CDH12: variants seen among roughly 807,000 people sequenced by gnomAD.
The protein encoded by CDH12 is cadherin-12.
In CDH12, 41 loss-of-function variants were observed where a neutral mutation model predicts 74.1. That is an observed-to-expected ratio of 0.55 (90% CI 0.43 to 0.72). The LOEUF is 0.72. Ranked by LOEUF, CDH12 falls within the 30% of genes least tolerant of loss-of-function variation. The pLI is 0.00. For missense variants in CDH12, 945 were observed against 977.2 expected (o/e 0.97, Z 0.44); for synonymous variants, 399 against 355.0 (o/e 1.12, Z -1.39).
chr5:22,191,427 T>C (rs956570377), intron 4 of CDH12, among the ~76,000 whole-genome samples: 6 of 152,180 alleles, frequency 3.9e-5, no homozygotes, highest in Non-Finnish European at 7.3e-5. Context: ...CACTCTTAAA[T>C]TAATGAATGA....
intron 3 of CDH12, among the ~76,000 whole-genome samples, chr5:22,324,888 T>C (rs1739020430): frequency 6.6e-6 from 1 of 152,178 alleles, no homozygotes; most frequent in African/African-American, 2.4e-5. Flanking sequence ...GGTCAGTTTA[T>C]ATTAAACAGC....
intron 1 of CDH12, among the ~76,000 whole-genome samples, chr5:22,732,456 G>GTATA (rs746288133): frequency 2.8e-5 from 3 of 105,932 alleles, no homozygotes; most frequent in African/African-American, 1.1e-4. Flanking sequence ...GAATGTGTGT[G>GTATA]TATATATATA....
chr5:22,543,772 T>C (rs1432888787), intron 1 of CDH12, among the ~76,000 whole-genome samples: 1 of 152,226 alleles, frequency 6.6e-6, no homozygotes, highest in Non-Finnish European at 1.5e-5. Flanking sequence ...GCTAGAGTCC[T>C]ATGGTAGGTA....
chr5:22,387,300 A>T (rs1410742428), intron 3 of CDH12, among the ~76,000 whole-genome samples: 2 of 152,070 alleles, frequency 1.3e-5, no homozygotes, highest in African/African-American at 4.8e-5. Flanking sequence ...AAAAAAATGT[A>T]ATGTACATTA....
At chr5:22,107,507 A>G (rs941491875) in intron 4 of CDH12, among the ~76,000 whole-genome samples, 1 of 150,800 alleles carries the variant, frequency 6.6e-6, no homozygotes, top group Non-Finnish European at 1.5e-5. Context: ...TATAATAATT[A>G]TATGTGTATA....
intron 6 of CDH12, among the ~76,000 whole-genome samples, chr5:21,897,402 A>G (rs2150050544): frequency 6.6e-6 from 1 of 152,326 alleles, no homozygotes; most frequent in South Asian, 2.1e-4. Context: ...TATTTTATGA[A>G]AAAAGATGTT....
chr5:22,320,036 G>A (rs888959305), intron 3 of CDH12, among the ~76,000 whole-genome samples: 3 of 152,126 alleles, frequency 2.0e-5, no homozygotes. Context: ...CCTTGAGCCT[G>A]AAACTAATGA....
intron 5 of CDH12, among the ~76,000 whole-genome samples, chr5:22,074,521 C>G (rs1302916731): frequency 6.6e-6 from 1 of 152,104 alleles, no homozygotes; most frequent in Non-Finnish European, 1.5e-5. Flanking sequence ...TCAGAGTGAA[C>G]AGACAACCTA....
intron 1 of CDH12, among the ~76,000 whole-genome samples, chr5:22,546,731 CAG>C (rs775548830): frequency 1.3e-5 from 2 of 152,130 alleles, no homozygotes; most frequent in Non-Finnish European, 2.9e-5. Flanking sequence ...CTTGAAAAGA[CAG>C]AGAACCTATA....
chr5:22,359,930 A>T (rs1379258621), intron 3 of CDH12, among the ~76,000 whole-genome samples: 1 of 152,204 alleles, frequency 6.6e-6, no homozygotes, highest in Non-Finnish European at 1.5e-5. Context: ...CATTTAAAGC[A>T]GTGTGTAGAG....
chr5:22,250,547 C>T (rs1222822192), intron 3 of CDH12, among the ~76,000 whole-genome samples: 5 of 152,126 alleles, frequency 3.3e-5, no homozygotes, highest in Non-Finnish European at 7.3e-5. Flanking sequence ...GTCACTAAAT[C>T]CAATCTATAT....
At chr5:22,608,758 G>A (rs1234426020) in intron 1 of CDH12, among the ~76,000 whole-genome samples, 2 of 152,124 alleles carry the variant, frequency 1.3e-5, no homozygotes, top group South Asian at 2.1e-4. Context: ...GTGAGTTTTC[G>A]TGAGATCTGA....
At chr5:22,634,542 A>G (rs1738736297) in intron 1 of CDH12, among the ~76,000 whole-genome samples, 1 of 152,152 alleles carries the variant, frequency 6.6e-6, no homozygotes, top group African/African-American at 2.4e-5. Flanking sequence ...AGAAAAACAC[A>G]AGTATTATGA....
chr5:22,493,491 C>T (rs890448748), intron 2 of CDH12, among the ~76,000 whole-genome samples: 14 of 151,540 alleles, frequency 9.2e-5, no homozygotes, highest in Admixed American at 3.9e-4. Flanking sequence ...ATACATGCTA[C>T]GCACTCTACT....
chr5:22,420,671 A>G (rs1743608323), intron 2 of CDH12, among the ~76,000 whole-genome samples: 1 of 152,110 alleles, frequency 6.6e-6, no homozygotes, highest in Non-Finnish European at 1.5e-5. Context: ...TTTTTGAATA[A>G]AATTCAAAAT....
At chr5:22,171,802 C>G (rs995605675) in intron 4 of CDH12, among the ~76,000 whole-genome samples, 4 of 151,824 alleles carry the variant, frequency 2.6e-5, no homozygotes, top group African/African-American at 4.8e-5. Flanking sequence ...TCCCTTTGCT[C>G]AAGAAAGTGG....
intron 9 of CDH12, among the ~76,000 whole-genome samples, chr5:21,811,341 A>G (rs1747733766): frequency 6.6e-6 from 1 of 152,082 alleles, no homozygotes; most frequent in East Asian, 1.9e-4. Flanking sequence ...GATAACAAGT[A>G]TTCACTTAAT....
At chr5:22,816,037 T>A (rs1403676956) in intron 1 of CDH12, among the ~76,000 whole-genome samples, 2 of 152,092 alleles carry the variant, frequency 1.3e-5, no homozygotes. Flanking sequence ...AATACCACCA[T>A]TATGAATGCA....
At chr5:22,315,542 A>G (rs974557012) in intron 3 of CDH12, among the ~76,000 whole-genome samples, 1 of 152,192 alleles carries the variant, frequency 6.6e-6, no homozygotes, top group Non-Finnish European at 1.5e-5. Context: ...GAAAAGTCCT[A>G]TGTGTGCTTG....
Sources: gnomAD v4.1 joint callset for allele counts (sites outside exome capture counted in the v4.1 genomes callset) on GRCh38, gnomAD v4.1.1 for gene constraint, MANE v1.5 for transcripts, NCBI Gene and HGNC (gene_info 2026-07-23, HGNC 2026-07-21) for gene names.